Variants in SYTL1 observed in about 807,000 individuals in gnomAD.
The protein encoded by SYTL1 is synaptotagmin like 1, also known as synaptotagmin-like protein 1.
SYTL1 carries 53 observed loss-of-function variants against 74.6 expected under a neutral mutation model. The observed-to-expected ratio is 0.71, with a 90% CI of 0.57 to 0.89. SYTL1 has a LOEUF of 0.89. Among genes scored for constraint, SYTL1 ranks in the 40% least tolerant of loss-of-function variants. The pLI is 0.00. For synonymous variants in SYTL1, 329 were observed against 324.9 expected, an observed-to-expected ratio of 1.01 and a Z score of -0.14; for missense variants, 728 against 768.7, an observed-to-expected ratio of 0.95 and a Z score of 0.63.
chr1:27,345,331 G>A lies in SYTL1; in HGVS notation c.-4G>A, dbSNP rs1383938812. Reference sequence around the variant, plus strand: ...TGTGCCCAGCTGGGGCACAGCCCCAGCTGATGCCCCAGAGGGGCCACCCAT... The same window carrying A: ...TGTGCCCAGCTGGGGCACAGCCCCAACTGATGCCCCAGAGGGGCCACCCAT... On this transcript the variant is annotated 5_prime_UTR_variant, in exon 2 of 15. Coordinates refer to ENST00000616558, the MANE Select transcript of SYTL1 (RefSeq NM_001193308.2). This position sits in a 1 kb window ranked among gnomAD's most constrained non-coding sequence, Gnocchi z 6.0. 3 of 1,503,576 alleles carry A rather than the reference G, an allele frequency of 2.0e-6. No individual in the cohort carries two copies. Among genetic ancestry groups the A allele is most frequent in the Admixed American group, 2.4e-5 (1 of 42,166 alleles). The allele number at this position is 1,503,576 out of a possible 1,614,324, so 93.1% of individuals were successfully genotyped here.
chr1:27,348,846 C>T lies in SYTL1; in HGVS notation c.460-234C>T, dbSNP rs181130054. On this transcript the variant is annotated intron_variant, in intron 5 of 14. Coordinates refer to ENST00000616558, the MANE Select transcript of SYTL1 (RefSeq NM_001193308.2). This position sits in a 1 kb window ranked among gnomAD's most constrained non-coding sequence, Gnocchi z 4.1. ...CTGGCAGAGGTGGAGGACTCAGGTA[C>T]GAATGACCCCACCAATGGGAGTAGG... is the stretch of plus-strand genomic sequence containing the variant. Among the ~76,000 whole-genome samples, 957 of 152,312 alleles carry T rather than the reference C, an allele frequency of 6.3e-3. 7 individuals carry two copies. Among genetic ancestry groups the T allele is most frequent in the Non-Finnish European group, 7.7e-3 (521 of 68,026 alleles).
rs1234421188 is a variant in SYTL1, at chr1:27,351,844, G to C, written c.1343+289G>C. On this transcript the variant is annotated intron_variant, in intron 13 of 14. Coordinates refer to ENST00000616558, the MANE Select transcript of SYTL1 (RefSeq NM_001193308.2). This position sits in a 1 kb window ranked among gnomAD's most constrained non-coding sequence, Gnocchi z 5.0. The stretch of plus-strand genomic sequence containing the variant: ...CTGGGAGGCCAGGCTGTGGGGCTTG[G>C]CTGGGAACTTATAGTTCAGTGTAAG... 4 of 354,984 alleles carry C rather than the reference G, an allele frequency of 1.1e-5. No homozygotes were observed. The highest frequency in any genetic ancestry group is 2.0e-5 in the Non-Finnish European group (4 of 197,600). The allele number at this position is 354,984 out of a possible 1,614,324, so 22.0% of individuals were successfully genotyped here.
chr1:27,347,097 G>C lies in SYTL1; in HGVS notation c.192-324G>C, dbSNP rs1349060579. 6.6e-6 allele frequency among the ~76,000 whole-genome samples: 1 copy of C among 152,216 alleles called. No homozygotes were observed. The highest frequency in any genetic ancestry group is 1.5e-5 in the Non-Finnish European group (1 of 68,046). On this transcript the variant is annotated intron_variant, in intron 2 of 14. Coordinates refer to ENST00000616558, the MANE Select transcript of SYTL1 (RefSeq NM_001193308.2). The surrounding 1 kb of genome is among the most constrained non-coding windows in gnomAD (Gnocchi z 4.9). ...AGATTGCGCCACAGCACTCCAGCCT[G>C]GGCATAGAGGGAGACTCCATCTCAA...
In SYTL1 at chr1:27,349,472, C is replaced by A. The variant is rs2015145864; in HGVS notation, c.607C>A (p.Gln203Lys). Residue 203 changes from glutamine to lysine, a missense_variant, in exon 7 of 15, where the codon CAG (glutamine) becomes AAG (lysine). Gln to Lys is a moderately conservative substitution (Grantham distance 53, BLOSUM62 1). Coordinates refer to ENST00000616558, the MANE Select transcript of SYTL1 (RefSeq NM_001193308.2). ...PELEPASGGE[Q>K]EPRPQQAQTK... is the part of the protein sequence containing the mutation. ...GCTGGAGCCCGCGTCGGGGGGAGAG[C>A]AGGAGCCGCGGCCCCAGCAAGCCCA... 1 of 1,454,812 alleles carries A rather than the reference C, an allele frequency of 6.9e-7. No individual in the cohort carries two copies. Among genetic ancestry groups the A allele is most frequent in the Non-Finnish European group, 9.1e-7 (1 of 1,103,296 alleles). The allele number at this position is 1,454,812 out of a possible 1,614,324, so 90.1% of individuals were successfully genotyped here.
Position 27,348,408 on chromosome 1 carries a change from T to C in SYTL1, c.459+396T>C, listed in dbSNP as rs947691860. Reference sequence around the variant, plus strand: ...GCAACATAGCAAAATGCCCCCCATGTCTATAAAAAATAAATAAAAAAAAAA... The same window carrying C: ...GCAACATAGCAAAATGCCCCCCATGCCTATAAAAAATAAATAAAAAAAAAA... On this transcript the variant is annotated intron_variant, in intron 5 of 14. Transcript: ENST00000616558. The surrounding 1 kb of genome is among the most constrained non-coding windows in gnomAD (Gnocchi z 4.1). Among the ~76,000 whole-genome samples the C allele has an allele frequency of 6.6e-6, 1 of 150,654 alleles. No homozygotes were observed. Among genetic ancestry groups the C allele is most frequent in the Non-Finnish European group, 1.5e-5 (1 of 67,676 alleles).
At chr1:27,352,470 T>A (rs1390964622) in intron 13 of SYTL1, 4 of 150,264 alleles carry the variant, frequency 2.7e-5, no homozygotes, top group African/African-American at 9.7e-5. Flanking sequence ...GCCCTGTGAA[T>A]AGGAGTTGTA....
Position 27,343,960 on chromosome 1 carries a change from G to C in SYTL1, c.-38-1337G>C, listed in dbSNP as rs1416616506. 6.6e-6 allele frequency among the ~76,000 whole-genome samples: 1 copy of C among 152,156 alleles called. No individual in the cohort carries two copies. Among genetic ancestry groups the C allele is most frequent in the Non-Finnish European group, 1.5e-5 (1 of 68,026 alleles). ...TTGTTAGTTTTTGTTTTGAGACGGA[G>C]TCTCACTCTTGCCCAGGCTGGAGTG... is the stretch of plus-strand genomic sequence containing the variant. On this transcript the variant is annotated intron_variant, in intron 1 of 14. Coordinates refer to ENST00000616558, the MANE Select transcript of SYTL1 (RefSeq NM_001193308.2). This position sits in a 1 kb window ranked among gnomAD's most constrained non-coding sequence, Gnocchi z 5.2.
rs780766635 is a variant in SYTL1 at position 27,342,556 on chromosome 1, C to G, written c.-39+406C>G. 6.6e-6 allele frequency among the ~76,000 whole-genome samples: 1 copy of G among 152,194 alleles called. No individual in the cohort carries two copies. Among genetic ancestry groups the G allele is most frequent in the South Asian group, 2.1e-4 (1 of 4,830 alleles). ...ACACACCTGGTGGCCCCCAAGGCAC[C>G]AGGGGACACCCCACAGCACACAGCC... is the stretch of plus-strand genomic sequence containing the variant. On this transcript the variant is annotated intron_variant, in intron 1 of 14. Coordinates refer to ENST00000616558, the MANE Select transcript of SYTL1 (RefSeq NM_001193308.2). This position sits in a 1 kb window ranked among gnomAD's most constrained non-coding sequence, Gnocchi z 4.7.
Position 27,347,714 on chromosome 1 carries a change from G to A in SYTL1, c.341-94G>A. 6.9e-7 allele frequency: 1 copy of A among 1,446,954 alleles called. No homozygotes were observed. The highest frequency in any genetic ancestry group is 9.5e-7 in the Non-Finnish European group (1 of 1,056,968). The allele number at this position is 1,446,954 out of a possible 1,614,324, so 89.6% of individuals were successfully genotyped here. A position where few individuals can be genotyped will look rare whatever the true frequency, so the allele number is the denominator to read the frequency against. On this transcript the variant is annotated intron_variant, in intron 3 of 14. Coordinates refer to ENST00000616558, the MANE Select transcript of SYTL1 (RefSeq NM_001193308.2). This position sits in a 1 kb window ranked among gnomAD's most constrained non-coding sequence, Gnocchi z 4.9. ...TTCAGTGGGCAATGCCCCTCCGTGG[G>A]CATGGGGTGGGTGGGTATCTCCCAG...
Position 27,343,347 on chromosome 1 carries a change from G to C in SYTL1, c.-39+1197G>C, listed in dbSNP as rs2014855837. On this transcript the variant is annotated intron_variant, in intron 1 of 14. Transcript: ENST00000616558. This position sits in a 1 kb window ranked among gnomAD's most constrained non-coding sequence, Gnocchi z 5.2. ...CCCAGCCTGGTCTGGGGAGAACTGT[G>C]TGGCCAGAACAGAGGGGCCCTGTGG... 6.6e-6 allele frequency: 1 copy of C among 152,392 alleles called. No homozygotes were observed. Among genetic ancestry groups the C allele is most frequent in the South Asian group, 2.1e-4 (1 of 4,852 alleles). The allele number at this position is 152,392 out of a possible 1,614,324, so 9.4% of individuals were successfully genotyped here.
In SYTL1 at chr1:27,349,462, G is replaced by T. The variant is rs777300076; in HGVS notation, c.597G>T (p.Ser199=). The change falls in exon 7 of 15, where the codon TCG becomes TCT. Residue 199 remains serine, a synonymous_variant. Coordinates refer to ENST00000616558, the MANE Select transcript of SYTL1 (RefSeq NM_001193308.2). Reference sequence around the variant, plus strand: ...CTGACCCGGAGCTGGAGCCCGCGTCGGGGGGAGAGCAGGAGCCGCGGCCCC... The same window carrying T: ...CTGACCCGGAGCTGGAGCCCGCGTCTGGGGGAGAGCAGGAGCCGCGGCCCC... ...EEADPELEPA[S]GGEQEPRPQQ... 12 of 1,453,298 alleles carry T rather than the reference G, an allele frequency of 8.3e-6. No homozygotes were observed. The highest frequency in any genetic ancestry group is 5.0e-5 in the East Asian group (2 of 39,678). The allele number at this position is 1,453,298 out of a possible 1,614,324, so 90.0% of individuals were successfully genotyped here.
At chr1:27,346,935 T>G (rs1007938762) in intron 2 of SYTL1, among the ~76,000 whole-genome samples, 1 of 151,246 alleles carries the variant, frequency 6.6e-6, no homozygotes, top group Non-Finnish European at 1.5e-5. Flanking sequence ...CTGGGCAACA[T>G]GGAAAAGCCC....
At chr1:27,346,359 T>G (rs1158223240) in intron 2 of SYTL1, among the ~76,000 whole-genome samples, 1 of 152,190 alleles carries the variant, frequency 6.6e-6, no homozygotes, top group East Asian at 1.9e-4. Context: ...TTACAAGCAA[T>G]GTTTGGGGAC....
rs1215075371 is a variant in SYTL1 at position 27,350,446 on chromosome 1, G to T, written c.966G>T (p.Lys322Asn). The T allele has an allele frequency of 6.2e-7, 1 of 1,614,108 alleles. No homozygotes were observed. Among genetic ancestry groups the T allele is most frequent in the Non-Finnish European group, 8.5e-7 (1 of 1,180,010 alleles). ...AGAGCAAGCGCAAGACGGCGGTGAAGAAACGGAATCTGAATCCGGTTTTCA... is the reference window on the plus strand; with the variant it reads ...AGAGCAAGCGCAAGACGGCGGTGAATAAACGGAATCTGAATCCGGTTTTCA... ...DKQSKRKTAVKKRNLNPVFNE... is the reference protein window; with the variant it reads ...DKQSKRKTAVNKRNLNPVFNE... The change falls in exon 10 of 15, where the codon AAG becomes AAT. Residue 322 changes from lysine to asparagine, a missense_variant. Transcript: ENST00000616558. The surrounding 1 kb of genome is among the most constrained non-coding windows in gnomAD (Gnocchi z 6.3).
At position 27,349,706 on chromosome 1, in the gene SYTL1, C is replaced by G; in HGVS notation, c.688C>G (p.Pro230Ala). Reference protein sequence around the residue: ...ENGEEAPGPDPSLDRMLSSSS... With the variant: ...ENGEEAPGPDASLDRMLSSSS... ...TGGGGAGGAGGCCCCGGGGCCCGAC[C>G]CCTCTCTCGACCGCATGCTCAGCAG... Residue 230 changes from proline to alanine, a missense_variant, in exon 8 of 15, where the codon CCC (proline) becomes GCC (alanine). Transcript: ENST00000616558. 1 of 1,611,276 alleles carries G rather than the reference C, an allele frequency of 6.2e-7. No individual in the cohort carries two copies. Among genetic ancestry groups the G allele is most frequent in the Non-Finnish European group, 8.5e-7 (1 of 1,179,418 alleles).
chr1:27,348,098 T>C lies in SYTL1; in HGVS notation c.459+86T>C. 7.5e-7 allele frequency: 1 copy of C among 1,331,834 alleles called. No individual in the cohort carries two copies. The highest frequency in any genetic ancestry group is 1.2e-5 in the South Asian group (1 of 84,714). 82.5% of individuals were successfully genotyped at this position (1,331,834 alleles called of 1,614,324 possible). ...GGGCAGGGGGGAAAGAGCCCCAGCC[T>C]GGGAATGGGGAGACCCTGGAAATGT... On this transcript the variant is annotated intron_variant, in intron 5 of 14. Coordinates refer to ENST00000616558, the MANE Select transcript of SYTL1 (RefSeq NM_001193308.2). The surrounding 1 kb of genome is among the most constrained non-coding windows in gnomAD (Gnocchi z 4.1).
rs549443678 is a variant in SYTL1 at position 27,346,910 on chromosome 1, G to A, written c.192-511G>A. Among the ~76,000 whole-genome samples the A allele has an allele frequency of 2.0e-5, 3 of 152,092 alleles. No individual in the cohort carries two copies. In the East Asian group the frequency reaches 5.8e-4, roughly 29 times the overall value. On this transcript the variant is annotated intron_variant, in intron 2 of 14. Transcript: ENST00000616558. ...AGGCAGGTGGATTGCTTGAGTCCAG[G>A]AGTTAGAGACCAGCCTGGGCAACAT...
Position 27,349,439 on chromosome 1 carries a change from G to T in SYTL1, c.574G>T (p.Asp192Tyr). ...CCAACAGGTCTGTGCCGAGGAGGCT[G>T]ACCCGGAGCTGGAGCCCGCGTCGGG... ...GDQQVCAEEA[D>Y]PELEPASGGE... is the part of the protein sequence containing the mutation. Residue 192 changes from aspartate (D) to tyrosine (Y), a missense_variant, in exon 7 of 15, where the codon GAC becomes TAC. Transcript: ENST00000616558. 1.4e-6 allele frequency: 2 copies of T among 1,453,366 alleles called. No homozygotes were observed. Among genetic ancestry groups the T allele is most frequent in the Non-Finnish European group, 1.8e-6 (2 of 1,102,536 alleles). 90.0% of individuals were successfully genotyped at this position (1,453,366 alleles called of 1,614,324 possible).
rs2014940661 is a variant in SYTL1 at position 27,345,105 on chromosome 1, T to C, written c.-38-192T>C. The C allele has an allele frequency of 2.6e-6, 1 of 384,716 alleles. No individual in the cohort carries two copies. Among genetic ancestry groups the C allele is most frequent in the South Asian group, 6.6e-5 (1 of 15,174 alleles). The allele number at this position is 384,716 out of a possible 1,614,324, so 23.8% of individuals were successfully genotyped here. A position where few individuals can be genotyped will look rare whatever the true frequency, so the allele number is the denominator to read the frequency against. ...TGTGTGTCTCTTGCTTCTTCCACTG[T>C]GTCTCCAAGTGTGTTCAAGGGCTAG... On this transcript the variant is annotated intron_variant, in intron 1 of 14. Transcript: ENST00000616558. This position sits in a 1 kb window ranked among gnomAD's most constrained non-coding sequence, Gnocchi z 6.0.
Sources: allele counts gnomAD v4.1 joint callset (sites outside exome capture counted in the v4.1 genomes callset), GRCh38; gene constraint gnomAD v4.1.1; non-coding constraint Gnocchi (gnomAD v3.1); transcripts MANE v1.5; gene names NCBI Gene and HGNC (gene_info 2026-07-23, HGNC 2026-07-21).